The following RHOU variants were observed in gnomAD, a reference collection of about 807,000 sequenced individuals.
RHOU encodes the protein ras homolog family member U.
Under a neutral mutation model 12.6 loss-of-function variants are expected in RHOU, and 8 were observed. The observed-to-expected ratio is 0.64, with a 90% confidence interval of 0.37 to 1.15. The LOEUF (loss-of-function observed/expected upper bound fraction) is 1.15, where lower values mean the gene tolerates loss of function less well. RHOU is among the 50% of genes most tolerant of loss of function. RHOU has a pLI of 0.01. For missense variants in RHOU, 258 were observed against 347.0 expected (o/e 0.74, Z 2.04); for synonymous variants, 161 against 147.4 (o/e 1.09, Z -0.67).
the RHOU span, among the ~76,000 whole-genome samples, chr1:228,712,361 G>A: frequency 0.31 from 44,386 of 145,250 alleles, 6,596 homozygotes; most frequent in African/African-American, 0.4. Flanking sequence ...ACATGCACAT[G>A]TATGTTTATT....
At chr1:228,664,413 G>A in the RHOU span, among the ~76,000 whole-genome samples, 1 of 152,058 alleles carries the variant, frequency 6.6e-6, no homozygotes, top group South Asian at 2.1e-4. Context: ...TTTGCGGATA[G>A]CGAATCAACA....
upstream of RHOU, among the ~76,000 whole-genome samples, chr1:228,731,782 G>T (rs778906330): frequency 6.6e-6 from 1 of 151,940 alleles, no homozygotes; most frequent in African/African-American, 2.4e-5. Context: ...GGTGTTGGGG[G>T]TAGGTAGGGG....
chr1:228,647,431 G>C, the RHOU span, among the ~76,000 whole-genome samples: 1 of 152,184 alleles, frequency 6.6e-6, no homozygotes, highest in South Asian at 2.1e-4. Context: ...CACGAAGTGC[G>C]GGGCAATAGG....
chr1:228,655,415 T>C, the RHOU span, among the ~76,000 whole-genome samples: 1 of 152,174 alleles, frequency 6.6e-6, no homozygotes, highest in Non-Finnish European at 1.5e-5. Flanking sequence ...CCTTGCTTTG[T>C]ATTTTATTTT....
chr1:228,716,747 C>CATATATACACATATATAT, the RHOU span, among the ~76,000 whole-genome samples: 1 of 151,242 alleles, frequency 6.6e-6, no homozygotes, highest in Non-Finnish European at 1.5e-5. Context: ...TATACACACA[C>CATATATACACATATATAT]ATGTGTGTGT....
chr1:228,650,699 T>G, the RHOU span: 2 of 482,386 alleles, frequency 4.1e-6, no homozygotes, highest in Non-Finnish European at 8.1e-6. Flanking sequence ...CATCAGCCAG[T>G]GTGGAAAGCT....
At chr1:228,678,591 G>C in the RHOU span, among the ~76,000 whole-genome samples, 3 of 152,300 alleles carry the variant, frequency 2.0e-5, no homozygotes, top group Admixed American at 2.0e-4. Flanking sequence ...GAGGACCCTC[G>C]AGTAGTGAGG....
intron 2 of RHOU, among the ~76,000 whole-genome samples, chr1:228,739,135 A>C (rs1474264920): frequency 6.6e-6 from 1 of 152,138 alleles, no homozygotes; most frequent in African/African-American, 2.4e-5. Flanking sequence ...GGGTAAAAAA[A>C]AAGAAAAATC....
chr1:228,650,896 A>C, the RHOU span: 1 of 381,052 alleles, frequency 2.6e-6, no homozygotes, highest in Non-Finnish European at 5.1e-6. Flanking sequence ...ACCCACCTAC[A>C]TACGAATGGA....
the RHOU span, among the ~76,000 whole-genome samples, chr1:228,699,409 C>T: frequency 7.3e-6 from 1 of 137,598 alleles, no homozygotes; most frequent in African/African-American, 2.7e-5. Context: ...GATTCCACCA[C>T]TGCATTCCAG....
At chr1:228,696,049 A>T in the RHOU span, among the ~76,000 whole-genome samples, 3 of 152,228 alleles carry the variant, frequency 2.0e-5, no homozygotes, top group Non-Finnish European at 2.9e-5. Context: ...TGGTATATAA[A>T]CCAAATATAT....
chr1:228,737,799 T>C lies in RHOU; in HGVS notation c.321+68T>C. On this transcript the variant is annotated intron_variant, in intron 2 of 2. Coordinates refer to ENST00000366691, the MANE Select transcript of RHOU (RefSeq NM_021205.6). This position sits in a 1 kb window ranked among gnomAD's most constrained non-coding sequence, Gnocchi z 4.1. ...CTTTTAAAGATTTCCAAATAACCTT[T>C]GATTCCCTCAGTCAGTAACTGGGTC... The C allele has an allele frequency of 6.6e-7, 1 of 1,520,518 alleles. No homozygotes were observed. The highest frequency in any genetic ancestry group is 9.1e-7 in the Non-Finnish European group (1 of 1,096,082). The allele number at this position is 1,520,518 out of a possible 1,614,324, so 94.2% of individuals were successfully genotyped here.
Position 228,735,689 on chromosome 1 carries a change from G to A in RHOU, c.-54G>A. 1 of 1,180,966 alleles carries A rather than the reference G, an allele frequency of 8.5e-7. No homozygotes were observed. Among genetic ancestry groups the A allele is most frequent in the Non-Finnish European group, 1.0e-6 (1 of 954,716 alleles). The allele number at this position is 1,180,966 out of a possible 1,614,324, so 73.2% of individuals were successfully genotyped here. ...TACCGCAACCCTCCGGGGCGGAGGG[G>A]CGGTCGGGCCGGGCCCTGCTAGCCC... On this transcript the variant is annotated 5_prime_UTR_variant, in exon 1 of 3. Coordinates refer to ENST00000366691, the MANE Select transcript of RHOU (RefSeq NM_021205.6). The surrounding 1 kb of genome is among the most constrained non-coding windows in gnomAD (Gnocchi z 8.1).
chr1:228,736,020 G>C lies in RHOU; in HGVS notation c.262+16G>C, dbSNP rs376926958. ...AACTTCTCCGGTGAGCTGGCCGGGG[G>C]GCCGGGGCCGGGGGCGCGTGGCCGC... is the stretch of plus-strand genomic sequence containing the variant. On this transcript the variant is annotated intron_variant, in intron 1 of 2. Coordinates refer to ENST00000366691, the MANE Select transcript of RHOU (RefSeq NM_021205.6). 52 of 1,568,616 alleles carry C rather than the reference G, an allele frequency of 3.3e-5. No homozygotes were observed. In the African/African-American group the frequency reaches 6.4e-4, roughly 19 times the overall value.
chr1:228,652,224 TC>T, the RHOU span, among the ~76,000 whole-genome samples: 1 of 152,116 alleles, frequency 6.6e-6, no homozygotes, highest in African/African-American at 2.4e-5. Flanking sequence ...GTATCCTGGG[TC>T]AGTAATATTG....
chr1:228,696,355 GT>G, the RHOU span, among the ~76,000 whole-genome samples: 86 of 148,064 alleles, frequency 5.8e-4, no homozygotes, highest in African/African-American at 1.6e-3. Flanking sequence ...AATCTTGAGG[GT>G]TTTTTTTTTC....
chr1:228,661,025 T>C, the RHOU span, among the ~76,000 whole-genome samples: 14 of 151,392 alleles, frequency 9.2e-5, no homozygotes, highest in Non-Finnish European at 1.5e-4. Context: ...ATCACAAGCA[T>C]TCCTATACAC....
chr1:228,657,896 T>A, the RHOU span, among the ~76,000 whole-genome samples: 1 of 152,220 alleles, frequency 6.6e-6, no homozygotes, highest in Non-Finnish European at 1.5e-5. Context: ...TGACCTTTTT[T>A]CTTTTTGGAA....
chr1:228,675,579 T>C, the RHOU span, among the ~76,000 whole-genome samples: 1 of 152,252 alleles, frequency 6.6e-6, no homozygotes, highest in Non-Finnish European at 1.5e-5. Flanking sequence ...TCAGTAATGT[T>C]TAATACACTT....
Sources: allele counts gnomAD v4.1 joint callset (sites outside exome capture counted in the v4.1 genomes callset), GRCh38; gene constraint gnomAD v4.1.1; non-coding constraint Gnocchi (gnomAD v3.1); transcripts MANE v1.5; gene names NCBI Gene and HGNC (gene_info 2026-07-23, HGNC 2026-07-21).